The following TNFSF4 variants were observed in gnomAD, a reference collection of about 807,000 sequenced individuals.
TNFSF4 encodes TNF superfamily member 4.
Under a neutral mutation model 7.3 loss-of-function variants are expected in TNFSF4, and 4 were observed. The observed-to-expected ratio is 0.55, with a 90% CI of 0.27 to 1.25. The LOEUF (loss-of-function observed/expected upper bound fraction) is 1.25, where lower values mean the gene tolerates loss of function less well. Ranked by LOEUF, TNFSF4 falls within the 50% of genes most tolerant of loss-of-function variation. The pLI is 0.12. For synonymous variants in TNFSF4, 76 were observed against 83.7 expected (o/e 0.91, Z 0.50); for missense variants, 181 against 208.8 (o/e 0.87, Z 0.82).
chr1:173,195,730 C>T (rs886613717), intron 1 of TNFSF4, among the ~76,000 whole-genome samples: 4 of 152,186 alleles, frequency 2.6e-5, no homozygotes, highest in Admixed American at 2.6e-4. Context: ...ACTCACCAAG[C>T]ATGAAACCAG....
the TNFSF4 span, among the ~76,000 whole-genome samples, chr1:173,366,242 T>C: frequency 1.3e-5 from 2 of 152,132 alleles, no homozygotes; most frequent in Non-Finnish European, 2.9e-5. Context: ...TATCAACAGA[T>C]GAATGGATAA....
chr1:173,373,368 T>C, the TNFSF4 span, among the ~76,000 whole-genome samples: 2 of 152,160 alleles, frequency 1.3e-5, no homozygotes, highest in African/African-American at 2.4e-5. Context: ...ACCCTTGGTA[T>C]GGAACAACCC....
At chr1:173,181,447 C>T (rs749257767), downstream of TNFSF4, among the ~76,000 whole-genome samples, 33 of 152,202 alleles carry the variant, frequency 2.2e-4, no homozygotes, top group Non-Finnish European at 3.4e-4. Context: ...TGTGTTTCCG[C>T]TCCTAACATC....
At chr1:173,357,149 G>A in the TNFSF4 span, among the ~76,000 whole-genome samples, 3 of 152,184 alleles carry the variant, frequency 2.0e-5, no homozygotes, top group Non-Finnish European at 2.9e-5. Context: ...TTGGGCATTC[G>A]ATGATCCATG....
chr1:173,323,553 T>A, the TNFSF4 span, among the ~76,000 whole-genome samples: 2 of 152,008 alleles, frequency 1.3e-5, no homozygotes, highest in Non-Finnish European at 2.9e-5. Context: ...CTTCAGAAGA[T>A]CAAACTACTC....
chr1:173,405,697 C>T, the TNFSF4 span, among the ~76,000 whole-genome samples: 1 of 152,172 alleles, frequency 6.6e-6, no homozygotes, highest in Non-Finnish European at 1.5e-5. Flanking sequence ...ATAAGATTGG[C>T]ACAATGAAGT....
upstream of TNFSF4, among the ~76,000 whole-genome samples, chr1:173,210,887 C>T (rs1447748734): frequency 6.6e-6 from 1 of 152,138 alleles, no homozygotes; most frequent in Non-Finnish European, 1.5e-5. Flanking sequence ...GAAGTTTCCT[C>T]CTGCAGGAAG....
intron 1 of TNFSF4, among the ~76,000 whole-genome samples, chr1:173,203,584 C>T (rs1231401562): frequency 6.6e-6 from 1 of 151,980 alleles, no homozygotes; most frequent in Non-Finnish European, 1.5e-5. Context: ...AAGTTGTAGC[C>T]CGAAACTTCA....
chr1:173,215,324 C>T, the TNFSF4 span, among the ~76,000 whole-genome samples: 3 of 151,894 alleles, frequency 2.0e-5, no homozygotes, highest in South Asian at 6.2e-4. Flanking sequence ...TTATGGCAGC[C>T]CAAGCAGACT....
chr1:173,209,852 G>A (rs577776985), upstream of TNFSF4, among the ~76,000 whole-genome samples: 156 of 152,160 alleles, frequency 1.0e-3, no homozygotes, highest in African/African-American at 3.7e-3. Context: ...AAGCACACCA[G>A]AGCAAATCAG....
the TNFSF4 span, among the ~76,000 whole-genome samples, chr1:173,231,930 A>G: frequency 2.0e-5 from 3 of 152,154 alleles, no homozygotes; most frequent in Non-Finnish European, 4.4e-5. Flanking sequence ...CTTTTGGCTT[A>G]GGATTGACTG....
At chr1:173,209,991 C>G (rs931843309), upstream of TNFSF4, among the ~76,000 whole-genome samples, 1 of 151,618 alleles carries the variant, frequency 6.6e-6, no homozygotes, top group African/African-American at 2.4e-5. Context: ...TTTGACCACT[C>G]ACAAGATACC....
At chr1:173,200,127 A>C (rs1649880594) in intron 1 of TNFSF4, among the ~76,000 whole-genome samples, 1 of 152,214 alleles carries the variant, frequency 6.6e-6, no homozygotes, top group African/African-American at 2.4e-5. Context: ...CACTAATGCC[A>C]AAAAAGAAAA....
chr1:173,411,936 G>A, the TNFSF4 span, among the ~76,000 whole-genome samples: 3 of 151,998 alleles, frequency 2.0e-5, no homozygotes, highest in Non-Finnish European at 2.9e-5. Context: ...TGGCCAATAC[G>A]GTGAAACCCC....
chr1:173,418,100 G>C, the TNFSF4 span: 1 of 152,212 alleles, frequency 6.6e-6, no homozygotes, highest in African/African-American at 2.4e-5. Context: ...ATTATCCAAA[G>C]GTTTGTGTCC....
chr1:173,229,541 C>T, the TNFSF4 span, among the ~76,000 whole-genome samples: 1 of 152,122 alleles, frequency 6.6e-6, no homozygotes, highest in African/African-American at 2.4e-5. Context: ...GCAAAATAAC[C>T]AGCTAACATC....
the TNFSF4 span, among the ~76,000 whole-genome samples, chr1:173,259,690 T>C: frequency 6.6e-6 from 1 of 152,060 alleles, no homozygotes; most frequent in African/African-American, 2.4e-5. Context: ...AAGAACTTCA[T>C]AAGACAACCA....
At chr1:173,381,798 G>A in the TNFSF4 span, among the ~76,000 whole-genome samples, 4 of 152,180 alleles carry the variant, frequency 2.6e-5, no homozygotes, top group African/African-American at 4.8e-5. Context: ...GTGGGGACTT[G>A]AAGAACTTTT....
chr1:173,198,369 C>T (rs1228276128), intron 1 of TNFSF4, among the ~76,000 whole-genome samples: 1 of 152,098 alleles, frequency 6.6e-6, no homozygotes, highest in East Asian at 1.9e-4. Flanking sequence ...TATTCAAAAG[C>T]GAGATAGATT....
Sources: gnomAD v4.1 joint callset for allele counts (sites outside exome capture counted in the v4.1 genomes callset) on GRCh38, gnomAD v4.1.1 for gene constraint, MANE v1.5 for transcripts, NCBI Gene and HGNC (gene_info 2026-07-23, HGNC 2026-07-21) for gene names.